FBXL17: variants seen among roughly 807,000 people sequenced by gnomAD.
The protein encoded by FBXL17 is F-box and leucine rich repeat protein 17.
A neutral mutation model predicts 66.2 loss-of-function variants in FBXL17; 22 were observed. The ratio of observed to expected loss-of-function variants is 0.33; its 90% confidence interval spans 0.24 to 0.47. FBXL17 has a LOEUF of 0.47. Among genes scored for constraint, FBXL17 ranks in the 20% least tolerant of loss-of-function variants. The pLI, the probability that FBXL17 is intolerant of heterozygous loss-of-function variation, is 1.00. For missense variants in FBXL17, 878 were observed against 948.2 expected (o/e 0.93, Z 0.97); for synonymous variants, 474 against 400.5 (o/e 1.18, Z -2.19).
At chr5:107,906,457 G>A (rs775792246) in intron 7 of FBXL17, among the ~76,000 whole-genome samples, 17 of 152,154 alleles carry the variant, frequency 1.1e-4, no homozygotes, top group South Asian at 2.1e-4. Context: ...CATGCTAAGT[G>A]CTTTCATGTA....
chr5:108,041,957 G>A (rs2112805068), intron 6 of FBXL17, among the ~76,000 whole-genome samples: 1 of 152,132 alleles, frequency 6.6e-6, no homozygotes, highest in South Asian at 2.1e-4. Context: ...TAGCAATGGT[G>A]CAATCTCAGC....
At chr5:108,076,888 T>G (rs961013562) in intron 6 of FBXL17, among the ~76,000 whole-genome samples, 1 of 152,210 alleles carries the variant, frequency 6.6e-6, no homozygotes, top group Non-Finnish European at 1.5e-5. Context: ...GAATGGCACA[T>G]ATTCAAATAT....
intron 6 of FBXL17, among the ~76,000 whole-genome samples, chr5:108,158,933 C>T (rs1752102898): frequency 6.6e-6 from 1 of 151,452 alleles, no homozygotes; most frequent in Non-Finnish European, 1.5e-5. Flanking sequence ...GTAGAAGATA[C>T]CAGAAGAGAT....
chr5:108,242,259 G>A (rs1021380706), intron 4 of FBXL17, among the ~76,000 whole-genome samples: 1 of 152,136 alleles, frequency 6.6e-6, no homozygotes, highest in African/African-American at 2.4e-5. Context: ...ATAGCTCATT[G>A]TAACCTGGAA....
At chr5:108,301,276 T>C (rs2150178914) in intron 4 of FBXL17, among the ~76,000 whole-genome samples, 1 of 151,806 alleles carries the variant, frequency 6.6e-6, no homozygotes, top group South Asian at 2.1e-4. Context: ...GATAAAAACC[T>C]AAGATGAATT....
intron 6 of FBXL17, among the ~76,000 whole-genome samples, chr5:108,070,627 T>C (rs1313584975): frequency 6.6e-6 from 1 of 152,162 alleles, no homozygotes; most frequent in East Asian, 1.9e-4. Context: ...CAAACCTCAA[T>C]TGCAAGGATC....
chr5:108,161,029 T>C (rs1043465034), intron 6 of FBXL17, among the ~76,000 whole-genome samples: 1 of 152,112 alleles, frequency 6.6e-6, no homozygotes, highest in African/African-American at 2.4e-5. Flanking sequence ...TGGGAAACAC[T>C]AGGTTCCTGG....
chr5:107,986,377 T>G (rs993953797), intron 7 of FBXL17, among the ~76,000 whole-genome samples: 14 of 151,630 alleles, frequency 9.2e-5, no homozygotes, highest in Non-Finnish European at 1.6e-4. Flanking sequence ...GCTAAAAAAA[T>G]TATAAGATTA....
chr5:108,188,807 G>T (rs555753783), intron 5 of FBXL17, among the ~76,000 whole-genome samples: 2 of 152,026 alleles, frequency 1.3e-5, no homozygotes, highest in African/African-American at 4.8e-5. Context: ...CAAACATAGC[G>T]CCTGTTTCCT....
At chr5:107,956,195 G>C (rs886800964) in intron 7 of FBXL17, among the ~76,000 whole-genome samples, 1 of 152,100 alleles carries the variant, frequency 6.6e-6, no homozygotes, top group Non-Finnish European at 1.5e-5. Context: ...ATAGATAATA[G>C]AAATAATTTT....
At chr5:108,275,813 C>G (rs1282711221) in intron 4 of FBXL17, among the ~76,000 whole-genome samples, 3 of 152,168 alleles carry the variant, frequency 2.0e-5, no homozygotes, top group African/African-American at 7.2e-5. Flanking sequence ...GAAGCAGCCT[C>G]AGCTGTGCTT....
At chr5:107,980,129 T>G (rs982964373) in intron 7 of FBXL17, among the ~76,000 whole-genome samples, 1 of 152,094 alleles carries the variant, frequency 6.6e-6, no homozygotes, top group African/African-American at 2.4e-5. Flanking sequence ...TATCAGAAAT[T>G]TTTAAAGGGA....
chr5:108,352,659 C>A (rs1034983089), intron 3 of FBXL17, among the ~76,000 whole-genome samples: 2 of 151,912 alleles, frequency 1.3e-5, no homozygotes, highest in Admixed American at 6.6e-5. Context: ...TACAGGCACC[C>A]GCCATGACTC....
chr5:108,097,412 T>C (rs773024929), intron 6 of FBXL17, among the ~76,000 whole-genome samples: 1 of 152,256 alleles, frequency 6.6e-6, no homozygotes, highest in Non-Finnish European at 1.5e-5. Context: ...GACATAGCTC[T>C]AACATTCTAG....
At chr5:108,265,805 T>G (rs546302483) in intron 4 of FBXL17, among the ~76,000 whole-genome samples, 2 of 152,326 alleles carry the variant, frequency 1.3e-5, no homozygotes, top group African/African-American at 4.8e-5. Flanking sequence ...GCAGATCCTA[T>G]TTCAGTTGGT....
intron 4 of FBXL17, among the ~76,000 whole-genome samples, chr5:108,282,227 C>T (rs531684678): frequency 1.4e-3 from 219 of 151,770 alleles, no homozygotes; most frequent in African/African-American, 5.0e-3. Flanking sequence ...AACAAGAAAA[C>T]TACTGACTAA....
chr5:108,290,844 A>C (rs915968394), intron 4 of FBXL17, among the ~76,000 whole-genome samples: 3 of 152,216 alleles, frequency 2.0e-5, no homozygotes, highest in African/African-American at 7.2e-5. Context: ...ATGGCATATT[A>C]AGCAATTTAA....
chr5:108,079,090 C>A (rs541251435), intron 6 of FBXL17, among the ~76,000 whole-genome samples: 2 of 151,998 alleles, frequency 1.3e-5, no homozygotes, highest in East Asian at 3.9e-4. Context: ...CTCAAGTGAT[C>A]CTCCTGCCTC....
intron 4 of FBXL17, among the ~76,000 whole-genome samples, chr5:108,333,637 A>G (rs183852280): frequency 2.0e-5 from 3 of 152,256 alleles, no homozygotes; most frequent in African/African-American, 7.2e-5. Context: ...AGAAACTGTC[A>G]ATTCTCAATT....
Sources: allele counts gnomAD v4.1 joint callset (sites outside exome capture counted in the v4.1 genomes callset), GRCh38; gene constraint gnomAD v4.1.1; transcripts MANE v1.5; gene names NCBI Gene and HGNC (gene_info 2026-07-23, HGNC 2026-07-21).